Variants in PRRC2C observed in about 807,000 individuals in gnomAD.
The protein encoded by PRRC2C is proline rich coiled-coil 2C, also known as protein PRRC2C.
A neutral mutation model predicts 317.2 loss-of-function variants in PRRC2C; 72 were observed. The ratio of observed to expected loss-of-function variants is 0.23; its 90% CI spans 0.19 to 0.28. The LOEUF is 0.28. Among genes scored for constraint, PRRC2C ranks in the 10% least tolerant of loss-of-function variants. PRRC2C has a pLI of 1.00. For synonymous variants in PRRC2C, 1,296 were observed against 1,205.9 expected (o/e 1.07, Z -1.55); for missense variants, 3,074 against 3,459.7 (o/e 0.89, Z 2.80).
intron 2 of PRRC2C, 44 bp from the exon 3 acceptor site, chr1:171,512,951 A>G: frequency 6.6e-7 from 1 of 1,516,404 alleles, no homozygotes; most frequent in Non-Finnish European, 8.9e-7. Context: ...TAAAATGGGT[A>G]ATAAAATAGA....
chr1:171,572,885 A>G (rs1685021321), intron 24 of PRRC2C, among the ~76,000 whole-genome samples: 1 of 152,230 alleles, frequency 6.6e-6, no homozygotes, highest in Non-Finnish European at 1.5e-5. Context: ...ATTTAAGTCA[A>G]ATTACATTAG....
intron 11 of PRRC2C, 137 bp downstream of exon 11, chr1:171,527,981 C>T: frequency 4.7e-6 from 3 of 642,192 alleles, no homozygotes; most frequent in Admixed American, 2.9e-5. Context: ...ACATGTCTTA[C>T]TCTTCATCCT....
Position 171,536,264 on chromosome 1 carries a change from C to T in PRRC2C, c.2279C>T (p.Pro760Leu). 1 of 1,613,646 alleles carries T rather than the reference C, an allele frequency of 6.2e-7. No individual in the cohort carries two copies. Residue 760 changes from proline to leucine, a missense_variant, in exon 14 of 35, where the codon CCA becomes CTA. By Grantham distance (98) the Pro-to-Leu change is moderately conservative. Around this residue, in one of 11 missense-constraint regions of PRRC2C, gnomAD observed 1,320 missense variants for 1,395.7 expected, o/e 0.95. Coordinates refer to ENST00000647382, the MANE Select transcript of PRRC2C (RefSeq NM_001387844.1). Reference sequence around the variant, plus strand: ...TCAGGAAGACCTGCTATGGATATTCCACCCATTCATCCTGGTCAGTTGAAT... The same window carrying T: ...TCAGGAAGACCTGCTATGGATATTCTACCCATTCATCCTGGTCAGTTGAAT... ...MMSGRPAMDI[P>L]PIHPGMIPPK...
At chr1:171,559,334 CTT>C (rs1251012951) in intron 19 of PRRC2C, among the ~76,000 whole-genome samples, 1 of 152,142 alleles carries the variant, frequency 6.6e-6, no homozygotes, top group African/African-American at 2.4e-5. Context: ...GGCTAACTCT[CTT>C]GTTAGGGGCT....
In PRRC2C at chr1:171,577,475, A is replaced by T. The variant is rs994689246; in HGVS notation, c.6997A>T (p.Thr2333Ser). The change falls in exon 26 of 35, where the codon ACA becomes TCA. Residue 2333 changes from threonine to serine, a missense_variant. Around this residue, in one of 11 missense-constraint regions of PRRC2C, gnomAD observed 490 missense variants for 663.1 expected, o/e 0.74. Transcript: ENST00000647382. ...YTTSSLSTKS[T>S]TTSDPPNICK... ...TACCTCTTCTTTGAGCACAAAATCTACAACCACATCGGACCCTCCAAATAT... is the reference window on the plus strand; with the variant it reads ...TACCTCTTCTTTGAGCACAAAATCTTCAACCACATCGGACCCTCCAAATAT... The T allele has an allele frequency of 1.4e-5, 22 of 1,612,854 alleles. No individual in the cohort carries two copies. Among genetic ancestry groups the T allele is most frequent in the Non-Finnish European group, 1.9e-5 (22 of 1,179,114 alleles).
In PRRC2C at chr1:171,512,213, A is replaced by G; in HGVS notation, c.112+13A>G. On this transcript the variant is annotated intron_variant, in intron 2 of 34. Coordinates refer to ENST00000647382, the MANE Select transcript of PRRC2C (RefSeq NM_001387844.1). ...CAGAAAACCACAGGTGAGTAAAATC[A>G]AGTGACACTTATGTTTTTCATGGTT... The G allele has an allele frequency of 6.7e-7, 1 of 1,482,032 alleles. No individual in the cohort carries two copies. Among genetic ancestry groups the G allele is most frequent in the Non-Finnish European group, 9.2e-7 (1 of 1,081,438 alleles). The allele number at this position is 1,482,032 out of a possible 1,614,324, so 91.8% of individuals were successfully genotyped here. A position where few individuals can be genotyped will look rare whatever the true frequency, so the allele number is the denominator to read the frequency against.
intron 20 of PRRC2C, 117 bp from the exon 21 acceptor site, chr1:171,566,116 C>T (rs936989665): frequency 2.9e-5 from 22 of 753,244 alleles, no homozygotes; most frequent in South Asian, 1.9e-4. Flanking sequence ...ATGTCGGTCT[C>T]AGTTAATATG....
intron 15 of PRRC2C, 105 bp downstream of exon 15, chr1:171,537,578 C>G (rs1677062390): frequency 9.6e-7 from 1 of 1,043,580 alleles, no homozygotes; most frequent in Admixed American, 2.6e-5. Flanking sequence ...AAGCATAAAT[C>G]TGGTTTCCTT....
chr1:171,584,120 A>G lies in PRRC2C; in HGVS notation c.7574A>G (p.Tyr2525Cys), dbSNP rs1229911701. 1 of 1,614,018 alleles carries G rather than the reference A, an allele frequency of 6.2e-7. No individual in the cohort carries two copies. The highest frequency in any genetic ancestry group is 8.5e-7 in the Non-Finnish European group (1 of 1,179,880). The stretch of plus-strand genomic sequence containing the variant: ...AATACTCAGCCCATTCCTATATTGT[A>G]TGAACATCAACTGGGGCAGGCATCA... ...TSNTQPIPIL[Y>C]EHQLGQASGL... Residue 2525 changes from tyrosine (Y) to cysteine (C), a missense_variant, in exon 29 of 35, where the codon TAT (tyrosine) becomes TGT (cysteine). Transcript: ENST00000647382.
intron 9 of PRRC2C, 120 bp downstream of exon 9, chr1:171,523,642 C>A: frequency 1.1e-6 from 1 of 907,088 alleles, no homozygotes; most frequent in Non-Finnish European, 1.7e-6. Context: ...TATATATTCT[C>A]AGAAGTTTTA....
At chr1:171,495,425 T>G (rs1034182499) in intron 1 of PRRC2C, among the ~76,000 whole-genome samples, 3 of 152,248 alleles carry the variant, frequency 2.0e-5, no homozygotes, top group Non-Finnish European at 4.4e-5. Flanking sequence ...ATATGCCATG[T>G]TTACTTTCCA....
intron 20 of PRRC2C, among the ~76,000 whole-genome samples, chr1:171,562,964 T>G (rs1682974031): frequency 6.6e-6 from 1 of 152,180 alleles, no homozygotes; most frequent in South Asian, 2.1e-4. Flanking sequence ...AGAAGTATCC[T>G]AAAAGTCAAG....
intron 4 of PRRC2C, 67 bp downstream of exon 4, chr1:171,514,712 A>G: frequency 3.8e-6 from 5 of 1,301,368 alleles, no homozygotes; most frequent in Non-Finnish European, 5.4e-6. Context: ...GCAGGAGATA[A>G]GGGGTGAACT....
intron 23 of PRRC2C, 57 bp from the exon 24 acceptor site, chr1:171,571,262 TG>T: frequency 2.0e-6 from 2 of 1,009,556 alleles, no homozygotes; most frequent in Non-Finnish European, 3.1e-6. Flanking sequence ...TTGTCTTTAA[TG>T]GGGCTTTCGT....
chr1:171,554,672 C>T (rs1170981354), intron 18 of PRRC2C, among the ~76,000 whole-genome samples: 2 of 152,190 alleles, frequency 1.3e-5, no homozygotes, highest in Non-Finnish European at 2.9e-5. Context: ...GACAAAATCT[C>T]TCAGCATTTG....
intron 1 of PRRC2C, among the ~76,000 whole-genome samples, chr1:171,492,260 A>G (rs1667289584): frequency 6.6e-6 from 1 of 152,224 alleles, no homozygotes; most frequent in Non-Finnish European, 1.5e-5. Context: ...AGAAATAACT[A>G]TTAAAGAGGG....
chr1:171,501,066 T>A (rs1669033343), intron 1 of PRRC2C, among the ~76,000 whole-genome samples: 1 of 151,780 alleles, frequency 6.6e-6, no homozygotes, highest in Non-Finnish European at 1.5e-5. Context: ...ACCCAGCTAG[T>A]TTATTTATTT....
chr1:171,524,675 A>T, intron 9 of PRRC2C, 146 bp from the exon 10 acceptor site: 3 of 733,670 alleles, frequency 4.1e-6, no homozygotes, highest in Non-Finnish European at 6.2e-6. Flanking sequence ...ACAAATTAGC[A>T]CTAATGGGTC....
At chr1:171,577,238 T>G (rs988713400) in intron 25 of PRRC2C, among the ~76,000 whole-genome samples, 196 bp from the exon 26 acceptor site, 3 of 152,222 alleles carry the variant, frequency 2.0e-5, no homozygotes, top group Non-Finnish European at 1.5e-5. Flanking sequence ...TTGTTCCATA[T>G]TTTCTAGTCA....
Sources: gnomAD v4.1 joint callset for allele counts (sites outside exome capture counted in the v4.1 genomes callset) on GRCh38, gnomAD v4.1.1 for gene constraint, gnomAD v4.1.1 regional missense constraint, MANE v1.5 for transcripts, NCBI Gene and HGNC (gene_info 2026-07-23, HGNC 2026-07-21) for gene names.